The following MYH9 variants were observed in gnomAD, a reference collection of about 807,000 sequenced individuals.
The protein encoded by MYH9 is myosin-9.
A neutral mutation model predicts 241.9 loss-of-function variants in MYH9; 29 were observed. The ratio of observed to expected loss-of-function variants is 0.12; its 90% CI spans 0.09 to 0.16. MYH9 has a LOEUF of 0.16. Among genes scored for constraint, MYH9 ranks in the 10% least tolerant of loss-of-function variants. The pLI is 1.00. For missense variants in MYH9, 1,803 were observed against 2,595.5 expected, an observed-to-expected ratio of 0.69 and a Z score of 6.63; for synonymous variants, 1,047 against 1,062.6, an observed-to-expected ratio of 0.99 and a Z score of 0.29.
chr22:36,355,168 G>A (rs1483314919), intron 1 of MYH9, among the ~76,000 whole-genome samples: 2 of 152,118 alleles, frequency 1.3e-5, no homozygotes, highest in Non-Finnish European at 2.9e-5. Context: ...GCGGGTGCCA[G>A]TCCAACTCCA....
Position 36,296,781 on chromosome 22 carries a change from G to A in MYH9, c.3272+62C>T, listed in dbSNP as rs144958949. The A allele has an allele frequency of 1.1e-3, 1,609 of 1,523,376 alleles. 14 individuals carry two copies. The African/African-American group carries it at 0.018, about 17-fold the overall frequency. The allele number at this position is 1,523,376 out of a possible 1,614,324, so 94.4% of individuals were successfully genotyped here. ...TCACTAGTGCCGAGAACTAGGGCCA[G>A]CAGCAAGCAGGAAGGGCTGGCCCAG... On this transcript the variant is annotated intron_variant, in intron 25 of 40. Transcript: ENST00000216181.
chr22:36,309,028 C>A (rs759471419), intron 15 of MYH9, among the ~76,000 whole-genome samples: 12 of 152,334 alleles, frequency 7.9e-5, no homozygotes, highest in Admixed American at 2.0e-4. Flanking sequence ...AGGCTCGGGG[C>A]TGCCCTTGAC....
chr22:36,286,092 C>T (rs2016575651), intron 35 of MYH9, 139 bp from the exon 36 acceptor site: 3 of 833,144 alleles, frequency 3.6e-6, no homozygotes, highest in African/African-American at 3.3e-5. Flanking sequence ...AACCCTCTAG[C>T]TCACAGGGCT....
intron 3 of MYH9, among the ~76,000 whole-genome samples, chr22:36,340,188 C>T (rs532050040): frequency 4.7e-5 from 7 of 150,456 alleles, no homozygotes; most frequent in African/African-American, 1.7e-4. Flanking sequence ...AAAGTAATCG[C>T]GGTCTTTGCC....
chr22:36,320,399 G>T lies in MYH9; in HGVS notation c.869-36C>A. 2 of 1,608,472 alleles carry T rather than the reference G, an allele frequency of 1.2e-6. No individual in the cohort carries two copies. The highest frequency in any genetic ancestry group is 1.7e-6 in the Non-Finnish European group (2 of 1,179,912). ...TGGAGGGCAAGGGCGCCTCAGCGAG[G>T]TGCTGAAAGTGGAGGCTCCATCAGC... On this transcript the variant is annotated intron_variant, in intron 8 of 40. Coordinates refer to ENST00000216181, the MANE Select transcript of MYH9 (RefSeq NM_002473.6). The surrounding 1 kb of genome is among the most constrained non-coding windows in gnomAD (Gnocchi z 4.8).
At chr22:36,303,803 A>AG in intron 19 of MYH9, among the ~76,000 whole-genome samples, 192 bp downstream of exon 19, 2 of 150,714 alleles carry the variant, frequency 1.3e-5, no homozygotes, top group East Asian at 3.9e-4. Flanking sequence ...AAAAAAAAAA[A>AG]GAAAAAAAAA....
chr22:36,361,440 C>T (rs2017934081), intron 1 of MYH9, among the ~76,000 whole-genome samples: 1 of 152,128 alleles, frequency 6.6e-6, no homozygotes, highest in Non-Finnish European at 1.5e-5. Context: ...GGCCTGTGGT[C>T]ACTTTCACTT....
At chr22:36,338,671 T>G (rs2017536586) in intron 3 of MYH9, among the ~76,000 whole-genome samples, 1 of 151,724 alleles carries the variant, frequency 6.6e-6, no homozygotes. Context: ...TACAAAAAAA[T>G]TAGCCAGGCG....
chr22:36,322,355 G>T, intron 6 of MYH9, 74 bp downstream of exon 6: 1 of 1,522,212 alleles, frequency 6.6e-7, no homozygotes. Flanking sequence ...GGGCACCCAG[G>T]AAAAGGCAGC....
intron 14 of MYH9, among the ~76,000 whole-genome samples, chr22:36,311,216 C>A (rs754330516): frequency 6.6e-6 from 1 of 152,208 alleles, no homozygotes. Flanking sequence ...TAAGCATGCA[C>A]CTCTATGGAC....
intron 14 of MYH9, 94 bp downstream of exon 14, chr22:36,311,955 T>C: frequency 6.7e-7 from 1 of 1,501,492 alleles, no homozygotes. Context: ...CACCCCTGCG[T>C]CCCCAGCAGC....
chr22:36,369,096 G>A (rs568924664), intron 1 of MYH9, among the ~76,000 whole-genome samples: 8 of 152,112 alleles, frequency 5.3e-5, no homozygotes, highest in South Asian at 4.1e-4. Context: ...TCAGCCTAGC[G>A]TCCCCACTTT....
intron 6 of MYH9, 179 bp from the exon 7 acceptor site, chr22:36,322,000 TCGG>T: frequency 1.5e-6 from 1 of 655,468 alleles, no homozygotes. Context: ...ACACGGGACC[TCGG>T]GACTCAGGCG....
At chr22:36,339,062 G>C (rs146137784) in intron 3 of MYH9, among the ~76,000 whole-genome samples, 50 of 152,198 alleles carry the variant, frequency 3.3e-4, no homozygotes, top group African/African-American at 1.2e-3. Context: ...GAGCTTTCAG[G>C]CCACCACCAA....
In MYH9 at chr22:36,285,887, T is replaced by C. The variant is rs770437113; in HGVS notation, c.5128A>G (p.Ile1710Val). 76 of 1,613,214 alleles carry C rather than the reference T, an allele frequency of 4.7e-5. No individual in the cohort carries two copies. The highest frequency in any genetic ancestry group is 6.4e-5 in the Non-Finnish European group (76 of 1,179,926). ...CACCCTTTGCCGCTGCTGTTGGCGA[T>C]CTCGTCAGCCAGCTCATCCCGCTCC... ...QQERDELADEIANSSGKGALA... is the reference protein window; with the variant it reads ...QQERDELADEVANSSGKGALA... The change falls in exon 36 of 41, where the codon ATC (isoleucine) becomes GTC (valine). Residue 1710 changes from isoleucine (I) to valine (V), a missense_variant. Physicochemically the swap from Ile to Val is conservative, Grantham distance 29. Around this residue, in one of 11 missense-constraint regions of MYH9, gnomAD observed 876 missense variants for 1,077.8 expected, o/e 0.81. Transcript: ENST00000216181. The surrounding 1 kb of genome is among the most constrained non-coding windows in gnomAD (Gnocchi z 7.0).
At chr22:36,350,047 C>A (rs1433222489) in intron 1 of MYH9, among the ~76,000 whole-genome samples, 1 of 152,172 alleles carries the variant, frequency 6.6e-6, no homozygotes, top group Non-Finnish European at 1.5e-5. Context: ...CATGTTGCCA[C>A]CAGATTTTAA....
chr22:36,287,880 C>T (rs546002498), intron 34 of MYH9, among the ~76,000 whole-genome samples: 107 of 152,296 alleles, frequency 7.0e-4, no homozygotes, highest in Middle Eastern at 6.8e-3. Flanking sequence ...TCCCACACTC[C>T]GGGCTGCTTC....
intron 25 of MYH9, among the ~76,000 whole-genome samples, chr22:36,296,603 T>C (rs560753366): frequency 1.5e-3 from 228 of 149,952 alleles, no homozygotes; most frequent in South Asian, 0.01. Context: ...AGGACTATTG[T>C]AGGTGGGTGA....
At chr22:36,310,957 G>T (rs2017054178) in intron 14 of MYH9, among the ~76,000 whole-genome samples, 1 of 152,110 alleles carries the variant, frequency 6.6e-6, no homozygotes, top group East Asian at 1.9e-4. Context: ...GTTTAAGACA[G>T]TTGCTTCCGC....
Sources: allele counts gnomAD v4.1 joint callset (sites outside exome capture counted in the v4.1 genomes callset), GRCh38; gene constraint gnomAD v4.1.1; regional missense constraint gnomAD v4.1.1; non-coding constraint Gnocchi (gnomAD v3.1); transcripts MANE v1.5; gene names NCBI Gene and HGNC (gene_info 2026-07-23, HGNC 2026-07-21).